MICU1: variants seen among roughly 807,000 people sequenced by gnomAD.
The protein encoded by MICU1 is calcium uptake protein 1, mitochondrial.
Under a neutral mutation model 56.8 loss-of-function variants are expected in MICU1, and 45 were observed. The observed-to-expected ratio is 0.79, with a 90% confidence interval of 0.62 to 1.02. MICU1 has a LOEUF of 1.02. Among genes scored for constraint, MICU1 ranks in the 50% least tolerant of loss-of-function variants. The probability of loss-of-function intolerance (pLI) is 0.00; values close to 1 mark genes in which losing one functional copy is unlikely to be tolerated. For missense variants in MICU1, 504 were observed against 587.1 expected (o/e 0.86, Z 1.46); for synonymous variants, 186 against 195.1 (o/e 0.95, Z 0.39).
rs1273886147 is a variant in MICU1, at chr10:72,475,132, G to A, written c.901C>T (p.Arg301Cys). The A allele has an allele frequency of 1.9e-6, 3 of 1,610,582 alleles. No homozygotes were observed. Among genetic ancestry groups the A allele is most frequent in the Non-Finnish European group, 2.5e-6 (3 of 1,178,396 alleles). Residue 301 changes from arginine to cysteine, a missense_variant, in exon 8 of 12, where the codon CGT becomes TGT. Coordinates refer to ENST00000361114, the MANE Select transcript of MICU1 (RefSeq NM_001195518.2). The part of the protein sequence containing the change: ...LTIKNFLEFQ[R>C]KLQHDVLKLE... ...TTCAGAACATCATGCTGCAGTTTAC[G>A]CTGAAATTCGAGGAAGTTTTTGATT...
intron 5 of MICU1, among the ~76,000 whole-genome samples, chr10:72,525,576 A>C (rs1867938542): frequency 6.6e-6 from 1 of 152,186 alleles, no homozygotes; most frequent in Non-Finnish European, 1.5e-5. Context: ...AGCACAGGAG[A>C]TTTTTATAGC....
rs543013949 is a variant in MICU1 at position 72,463,282 on chromosome 10, C to T, written c.933+11818G>A. Among the ~76,000 whole-genome samples the T allele has an allele frequency of 4.6e-5, 7 of 152,244 alleles. No homozygotes were observed. In the East Asian group the frequency reaches 1.2e-3, roughly 25 times the overall value. On this transcript the variant is annotated intron_variant, in intron 8 of 11. Transcript: ENST00000361114. ...TTCTCCATGTTGGTCAGGCTGGTCTCGAACTCCCAACATCAGGTGATCTGC... is the reference window on the plus strand; with the variant it reads ...TTCTCCATGTTGGTCAGGCTGGTCTTGAACTCCCAACATCAGGTGATCTGC...
chr10:72,607,378 C>G (rs1029119595), intron 1 of MICU1, among the ~76,000 whole-genome samples: 1 of 148,268 alleles, frequency 6.7e-6, no homozygotes, highest in African/African-American at 2.5e-5. Flanking sequence ...CAGTGGCTCA[C>G]GCCTGTAATC....
intron 5 of MICU1, among the ~76,000 whole-genome samples, chr10:72,511,150 AC>A (rs1162963210): frequency 6.6e-6 from 1 of 152,108 alleles, no homozygotes; most frequent in East Asian, 1.9e-4. Context: ...TTACCATTTA[AC>A]CACACAGTAC....
intron 1 of MICU1, among the ~76,000 whole-genome samples, chr10:72,577,627 T>C (rs1840783536): frequency 6.6e-6 from 1 of 152,076 alleles, no homozygotes; most frequent in Non-Finnish European, 1.5e-5. Context: ...GAATTAGAAG[T>C]GGAGCCTGAA....
intron 6 of MICU1, among the ~76,000 whole-genome samples, chr10:72,504,481 A>G (rs1867179619): frequency 1.3e-5 from 2 of 152,174 alleles, no homozygotes; most frequent in African/African-American, 4.8e-5. Flanking sequence ...TTAACTCAAG[A>G]TGGATTAAAG....
chr10:72,574,426 G>A (rs1840691380), intron 1 of MICU1, among the ~76,000 whole-genome samples: 1 of 152,118 alleles, frequency 6.6e-6, no homozygotes, highest in Admixed American at 6.6e-5. Flanking sequence ...GGCTGAGGCA[G>A]GAGAATCGCT....
intron 8 of MICU1, among the ~76,000 whole-genome samples, chr10:72,430,992 C>A (rs368270923): frequency 6.6e-6 from 1 of 151,988 alleles, no homozygotes; most frequent in African/African-American, 2.4e-5. Flanking sequence ...TTTTAATCCT[C>A]ATTATATTTC....
At chr10:72,371,613 G>A (rs1014104293) in intron 11 of MICU1, among the ~76,000 whole-genome samples, 1 of 152,000 alleles carries the variant, frequency 6.6e-6, no homozygotes, top group Admixed American at 6.6e-5. Context: ...GCGTGGTGGT[G>A]GGCACCTGTA....
At chr10:72,435,258 T>C (rs1864670291) in intron 8 of MICU1, among the ~76,000 whole-genome samples, 1 of 151,474 alleles carries the variant, frequency 6.6e-6, no homozygotes, top group African/African-American at 2.4e-5. Context: ...CATGGTACCA[T>C]GTGCCTGTAG....
chr10:72,584,959 T>C (rs1367580470), intron 1 of MICU1, among the ~76,000 whole-genome samples: 1 of 152,178 alleles, frequency 6.6e-6, no homozygotes, highest in African/African-American at 2.4e-5. Context: ...AAGAAAGTAT[T>C]GACTTGCACA....
At chr10:72,487,979 A>T (rs1259982581) in intron 6 of MICU1, among the ~76,000 whole-genome samples, 2 of 152,056 alleles carry the variant, frequency 1.3e-5, no homozygotes, top group African/African-American at 2.4e-5. Context: ...GGTGGATCAC[A>T]TGAGGTCAGG....
intron 10 of MICU1, among the ~76,000 whole-genome samples, chr10:72,405,778 T>A (rs1296388643): frequency 6.6e-6 from 1 of 151,874 alleles, no homozygotes; most frequent in African/African-American, 2.4e-5. Flanking sequence ...TAGAAAAAAA[T>A]TTGACAAAAT....
At chr10:72,408,934 A>G (rs1350213149) in intron 9 of MICU1, among the ~76,000 whole-genome samples, 1 of 152,226 alleles carries the variant, frequency 6.6e-6, no homozygotes, top group Non-Finnish European at 1.5e-5. Flanking sequence ...AATTCTGTGA[A>G]TGAAGATTTT....
intron 5 of MICU1, chr10:72,524,603 G>A: frequency 3.9e-6 from 2 of 508,132 alleles, no homozygotes; most frequent in Non-Finnish European, 6.1e-6. Context: ...AATTTAAAGT[G>A]ACAGGAACGA....
chr10:72,464,533 A>T (rs1388789561), intron 8 of MICU1, among the ~76,000 whole-genome samples: 2 of 152,146 alleles, frequency 1.3e-5, no homozygotes, highest in African/African-American at 4.8e-5. Flanking sequence ...TTATTTCAGT[A>T]CAGTAACATG....
intron 5 of MICU1, chr10:72,524,040 A>T: frequency 8.3e-7 from 1 of 1,202,698 alleles, no homozygotes. Context: ...AAAAGAAAAA[A>T]AGATTAATTT....
intron 3 of MICU1, chr10:72,562,690 G>T: frequency 2.5e-6 from 1 of 402,108 alleles, no homozygotes; most frequent in Non-Finnish European, 4.3e-6. Context: ...GCTAATCATG[G>T]TTATTGGTCC....
chr10:72,373,758 T>A (rs1470545175), intron 11 of MICU1, among the ~76,000 whole-genome samples: 6 of 152,134 alleles, frequency 3.9e-5, no homozygotes, highest in Admixed American at 3.3e-4. Context: ...CTTCAAAAAT[T>A]ATAAAAATAA....
Sources: gnomAD v4.1 joint callset for allele counts (sites outside exome capture counted in the v4.1 genomes callset) on GRCh38, gnomAD v4.1.1 for gene constraint, MANE v1.5 for transcripts, NCBI Gene and HGNC (gene_info 2026-07-23, HGNC 2026-07-21) for gene names.